The following EPHA5 variants were observed in gnomAD, a reference collection of about 807,000 sequenced individuals.
The protein encoded by EPHA5 is EPH receptor A5.
A neutral mutation model predicts 105.0 loss-of-function variants in EPHA5; 60 were observed. The ratio of observed to expected loss-of-function variants is 0.57; its 90% confidence interval spans 0.46 to 0.71. EPHA5 has a LOEUF of 0.71. EPHA5 is among the 30% of genes least tolerant of loss of function. The probability of loss-of-function intolerance (pLI) is 0.00; values close to 1 mark genes in which losing one functional copy is unlikely to be tolerated. For synonymous variants in EPHA5, 513 were observed against 449.1 expected (o/e 1.14, Z -1.80); for missense variants, 1,218 against 1,274.7 (o/e 0.96, Z 0.68).
chr4:65,442,966 T>C (rs1193791409), intron 5 of EPHA5, among the ~76,000 whole-genome samples: 2 of 152,158 alleles, frequency 1.3e-5, no homozygotes, highest in Non-Finnish European at 2.9e-5. Context: ...TGATCATTTA[T>C]ACAGTGAACT....
chr4:65,606,066 T>C (rs1043032938), intron 2 of EPHA5, among the ~76,000 whole-genome samples: 2 of 152,310 alleles, frequency 1.3e-5, no homozygotes, highest in African/African-American at 4.8e-5. Flanking sequence ...TGTCAGCATG[T>C]CTCTGCCTCA....
At chr4:65,507,674 T>G (rs1014761813) in intron 3 of EPHA5, among the ~76,000 whole-genome samples, 1 of 152,170 alleles carries the variant, frequency 6.6e-6, no homozygotes, top group African/African-American at 2.4e-5. Flanking sequence ...TATTTGTCTG[T>G]TATTCGTGTA....
rs190119871 is a variant in EPHA5, at chr4:65,599,818, A to G, written c.910+1823T>C. On this transcript the variant is annotated intron_variant, in intron 3 of 16. Coordinates refer to ENST00000613740, the MANE Select transcript of EPHA5 (RefSeq NM_001281766.3). The stretch of plus-strand genomic sequence containing the variant: ...ACATGAGAAGAGAAAGAAAAGATGT[A>G]TGCTAACACTTGCACTAAGACTGCA... Among the ~76,000 whole-genome samples, 39 of 152,346 alleles carry G rather than the reference A, an allele frequency of 2.6e-4. 1 individual carries two copies. The highest frequency in any genetic ancestry group is 2.4e-3 in the Admixed American group (36 of 15,304).
chr4:65,577,236 TTTATA>T (rs1422833454), intron 3 of EPHA5, among the ~76,000 whole-genome samples: 2 of 152,184 alleles, frequency 1.3e-5, no homozygotes, highest in African/African-American at 4.8e-5. Context: ...ATTAACTGAA[TTTATA>T]TTGTATGTCA....
At chr4:65,611,099 G>C (rs1365489845) in intron 2 of EPHA5, among the ~76,000 whole-genome samples, 1 of 152,064 alleles carries the variant, frequency 6.6e-6, no homozygotes, top group African/African-American at 2.4e-5. Flanking sequence ...TTACCATGTA[G>C]ATTTTAAGGT....
At chr4:65,402,680 T>C (rs1721963998) in intron 8 of EPHA5, among the ~76,000 whole-genome samples, 1 of 152,300 alleles carries the variant, frequency 6.6e-6, no homozygotes, top group African/African-American at 2.4e-5. Flanking sequence ...TAATGTTTAT[T>C]TAATTTATTA....
At chr4:65,543,278 A>G (rs1737029191) in intron 3 of EPHA5, among the ~76,000 whole-genome samples, 1 of 152,046 alleles carries the variant, frequency 6.6e-6, no homozygotes, top group Admixed American at 6.6e-5. Context: ...GAGGAAGTCA[A>G]ATTGTCTCTG....
At chr4:65,428,751 A>C in intron 5 of EPHA5, among the ~76,000 whole-genome samples, 1 of 152,140 alleles carries the variant, frequency 6.6e-6, no homozygotes, top group East Asian at 1.9e-4. Context: ...AAAGTAACTT[A>C]ATTGCCAAGA....
intron 5 of EPHA5, among the ~76,000 whole-genome samples, chr4:65,463,714 C>T (rs556219657): frequency 1.3e-5 from 2 of 152,148 alleles, no homozygotes; most frequent in East Asian, 1.9e-4. Context: ...GTGAGTCATA[C>T]AGAAATCATA....
intron 1 of EPHA5, among the ~76,000 whole-genome samples, chr4:65,646,135 G>T (rs965078628): frequency 1.3e-5 from 2 of 151,924 alleles, no homozygotes; most frequent in Admixed American, 1.3e-4. Flanking sequence ...CCTTCAAAAC[G>T]TATTTCAGGA....
intron 5 of EPHA5, among the ~76,000 whole-genome samples, chr4:65,422,806 AAT>A (rs1472153733): frequency 1.3e-5 from 2 of 152,072 alleles, no homozygotes; most frequent in African/African-American, 4.8e-5. Flanking sequence ...TTAAATTTAG[AAT>A]AGCTTTATTT....
rs993939028 is a variant in EPHA5, at chr4:65,320,257, T to C, written c.*3857A>G. The C allele has an allele frequency of 8.7e-6, 2 of 230,050 alleles. No individual in the cohort carries two copies. Among genetic ancestry groups the C allele is most frequent in the Non-Finnish European group, 1.7e-5 (2 of 116,094 alleles). 14.3% of individuals were successfully genotyped at this position (230,050 alleles called of 1,614,324 possible). A position where few individuals can be genotyped will look rare whatever the true frequency, so the allele number is the denominator to read the frequency against. ...AATGTAAACAGCTGTGCTACAGAGTTGAAAAAATGATGACTTATTTTACTT... is the reference window on the plus strand; with the variant it reads ...AATGTAAACAGCTGTGCTACAGAGTCGAAAAAATGATGACTTATTTTACTT... On this transcript the variant is annotated 3_prime_UTR_variant, in exon 17 of 17. Transcript: ENST00000613740.
intron 1 of EPHA5, among the ~76,000 whole-genome samples, chr4:65,662,092 G>T (rs1408495857): frequency 2.0e-5 from 3 of 152,004 alleles, no homozygotes; most frequent in Non-Finnish European, 4.4e-5. Context: ...TGACTTAGTG[G>T]AGGATGGAAG....
At chr4:65,380,849 C>T (rs576399018) in intron 8 of EPHA5, among the ~76,000 whole-genome samples, 139 of 151,818 alleles carry the variant, frequency 9.2e-4, no homozygotes, top group Middle Eastern at 3.4e-3. Context: ...CTAAACCTAT[C>T]AAAAGGCAAT....
intron 3 of EPHA5, among the ~76,000 whole-genome samples, chr4:65,528,021 T>C (rs1735406493): frequency 6.6e-6 from 1 of 152,152 alleles, no homozygotes; most frequent in South Asian, 2.1e-4. Context: ...GAGTTTAATA[T>C]TACCAGACAT....
At chr4:65,591,031 C>T (rs1026839496) in intron 3 of EPHA5, among the ~76,000 whole-genome samples, 2 of 152,140 alleles carry the variant, frequency 1.3e-5, no homozygotes, top group Admixed American at 1.3e-4. Context: ...CCCCAACCCC[C>T]TACTCCAGAT....
At chr4:65,389,970 GA>G (rs539661427) in intron 8 of EPHA5, among the ~76,000 whole-genome samples, 72 of 150,442 alleles carry the variant, frequency 4.8e-4, no homozygotes, top group South Asian at 1.3e-3. Flanking sequence ...TAGTAAGGGG[GA>G]AAAAAAAACT....
At chr4:65,342,845 A>G (rs1721864152) in intron 14 of EPHA5, among the ~76,000 whole-genome samples, 1 of 152,006 alleles carries the variant, frequency 6.6e-6, no homozygotes, top group Non-Finnish European at 1.5e-5. Flanking sequence ...CACACCCAGT[A>G]CAAAGCTAGT....
chr4:65,587,380 C>A (rs1439693161), intron 3 of EPHA5, among the ~76,000 whole-genome samples: 1 of 152,056 alleles, frequency 6.6e-6, no homozygotes, highest in Non-Finnish European at 1.5e-5. Flanking sequence ...AACTTGAATA[C>A]AAATGACACT....
Sources: allele counts gnomAD v4.1 joint callset (sites outside exome capture counted in the v4.1 genomes callset), GRCh38; gene constraint gnomAD v4.1.1; transcripts MANE v1.5; gene names NCBI Gene and HGNC (gene_info 2026-07-23, HGNC 2026-07-21).